The following IFIT5 variants were observed in gnomAD, a reference collection of about 807,000 sequenced individuals.
IFIT5 encodes interferon induced protein with tetratricopeptide repeats 5, also known as interferon-induced protein with tetratricopeptide repeats 5.
Under a neutral mutation model 5.0 loss-of-function variants are expected in IFIT5, and 2 were observed. The observed-to-expected ratio is 0.40, with a 90% CI of 0.16 to 1.26. IFIT5 has a LOEUF of 1.26. Among genes scored for constraint, IFIT5 ranks in the 50% most tolerant of loss-of-function variants. The pLI is 0.33. For missense variants in IFIT5, 524 were observed against 563.2 expected (o/e 0.93, Z 0.70); for synonymous variants, 206 against 204.6 (o/e 1.01, Z -0.06).
rs1182225758 is a variant in IFIT5 at position 89,419,410 on chromosome 10, A to C, written c.*762A>C. The stretch of plus-strand genomic sequence containing the variant: ...TCTGCAATGAATCTAGATGCAATTA[A>C]TTTTATTCCTTCCAACTAAAATTAC... On this transcript the variant is annotated 3_prime_UTR_variant, in exon 2 of 2. Coordinates refer to ENST00000371795, the MANE Select transcript of IFIT5 (RefSeq NM_012420.3). 6.6e-6 allele frequency: 1 copy of C among 151,746 alleles called. No homozygotes were observed. The highest frequency in any genetic ancestry group is 1.5e-5 in the Non-Finnish European group (1 of 67,976). 9.4% of individuals were successfully genotyped at this position (151,746 alleles called of 1,614,324 possible).
chr10:89,418,205 A>G lies in IFIT5; in HGVS notation c.1006A>G (p.Met336Val), dbSNP rs767044177. The G allele has an allele frequency of 2.5e-6, 4 of 1,614,156 alleles. No individual in the cohort carries two copies. Among genetic ancestry groups the G allele is most frequent in the Non-Finnish European group, 3.4e-6 (4 of 1,179,980 alleles). Residue 336 changes from methionine to valine, a missense_variant, in exon 2 of 2, where the codon ATG (methionine) becomes GTG (valine). Physicochemically the swap from Met to Val is conservative, Grantham distance 21 (BLOSUM62 1). Transcript: ENST00000371795. ...CAAAGCAGCCATGGAACGAGACTCTATGTTTGCATTTGCCTACACAGACCT... is the reference window on the plus strand; with the variant it reads ...CAAAGCAGCCATGGAACGAGACTCTGTGTTTGCATTTGCCTACACAGACCT... ...HFKAAMERDS[M>V]FAFAYTDLAN...
rs1589647126 is a variant in IFIT5 at position 89,414,703 on chromosome 10, G to C, written c.-96G>C. On this transcript the variant is annotated 5_prime_UTR_variant, in exon 1 of 2. Transcript: ENST00000371795. ...AGGCCTGGCGCGCGCACGCGCACGC[G>C]CACGCCCACCGCGCGGCTTCCCGCG... The C allele has an allele frequency of 2.7e-6, 4 of 1,472,960 alleles. No individual in the cohort carries two copies. The highest frequency in any genetic ancestry group is 3.6e-6 in the Non-Finnish European group (4 of 1,109,682). 91.2% of individuals were successfully genotyped at this position (1,472,960 alleles called of 1,614,324 possible). A position where few individuals can be genotyped will look rare whatever the true frequency, so the allele number is the denominator to read the frequency against.
At chr10:89,416,507 A>T (rs2133652481) in intron 1 of IFIT5, among the ~76,000 whole-genome samples, 2 of 152,380 alleles carry the variant, frequency 1.3e-5, no homozygotes, top group South Asian at 4.1e-4. Context: ...AAGTTACAAA[A>T]TTAAGTAGAC....
chr10:89,420,534 G>A lies in IFIT5; in HGVS notation c.*1886G>A, dbSNP rs1165272939. The A allele has an allele frequency of 1.3e-5, 2 of 152,168 alleles. No homozygotes were observed. Among genetic ancestry groups the A allele is most frequent in the Non-Finnish European group, 2.9e-5 (2 of 68,018 alleles). 9.4% of individuals were successfully genotyped at this position (152,168 alleles called of 1,614,324 possible). A position where few individuals can be genotyped will look rare whatever the true frequency, so the allele number is the denominator to read the frequency against. On this transcript the variant is annotated 3_prime_UTR_variant, in exon 2 of 2. Coordinates refer to ENST00000371795, the MANE Select transcript of IFIT5 (RefSeq NM_012420.3). ...ATAGAAAAGATTATTTGCTTCATCA[G>A]TTAACTTGTTTTTATAAATCAGGGC...
At position 89,414,654 on chromosome 10, in the gene IFIT5, C is replaced by G; in HGVS notation, c.-145C>G. 1.2e-6 allele frequency: 1 copy of G among 804,386 alleles called. No homozygotes were observed. The highest frequency in any genetic ancestry group is 3.3e-5 in the East Asian group (1 of 30,384). The allele number at this position is 804,386 out of a possible 1,614,324, so 49.8% of individuals were successfully genotyped here. A position where few individuals can be genotyped will look rare whatever the true frequency, so the allele number is the denominator to read the frequency against. ...TCTCTCCTTTAACAAAGACACGCCG[C>G]GCGGCCGAGTCCAGGGGCTGCAGAG... On this transcript the variant is annotated 5_prime_UTR_variant, in exon 1 of 2. Coordinates refer to ENST00000371795, the MANE Select transcript of IFIT5 (RefSeq NM_012420.3).
intron 1 of IFIT5, among the ~76,000 whole-genome samples, chr10:89,415,051 C>A (rs1220105482): frequency 1.3e-5 from 2 of 152,310 alleles, no homozygotes; most frequent in East Asian, 3.9e-4. Flanking sequence ...CCCTCCCCAG[C>A]GCCTAAGAAG....
Position 89,414,667 on chromosome 10 carries a change from A to C in IFIT5, c.-132A>C, listed in dbSNP as rs949942848. ...AAAGACACGCCGCGCGGCCGAGTCC[A>C]GGGGCTGCAGAGGCCTGGCGCGCGC... On this transcript the variant is annotated 5_prime_UTR_variant, in exon 1 of 2. Coordinates refer to ENST00000371795, the MANE Select transcript of IFIT5 (RefSeq NM_012420.3). The C allele has an allele frequency of 3.9e-6, 4 of 1,038,296 alleles. No individual in the cohort carries two copies. The Admixed American group carries it at 1.1e-4, about 29-fold the overall frequency. The allele number at this position is 1,038,296 out of a possible 1,614,324, so 64.3% of individuals were successfully genotyped here.
Position 89,418,010 on chromosome 10 carries a change from C to CT in IFIT5, c.815dup (p.Leu272PhefsTer38). ...AAATTCCTGGAACAAAGCTCTCGAA[C>CT]TTTTAAAAAAGGCCTTGGAGGTGAC... On this transcript the variant is annotated frameshift_variant, in exon 2 of 2. Coordinates refer to ENST00000371795, the MANE Select transcript of IFIT5 (RefSeq NM_012420.3). LOFTEE classifies it low-confidence loss of function (END_TRUNC). The CT allele has an allele frequency of 2.5e-6, 4 of 1,614,174 alleles. No homozygotes were observed. Among genetic ancestry groups the CT allele is most frequent in the Non-Finnish European group, 3.4e-6 (4 of 1,180,032 alleles).
In IFIT5 at chr10:89,420,138, C is replaced by A. The variant is rs113865549; in HGVS notation, c.*1490C>A. The A allele has an allele frequency of 5.5e-4, 83 of 152,240 alleles. No individual in the cohort carries two copies. Among genetic ancestry groups the A allele is most frequent in the African/African-American group, 1.9e-3 (80 of 41,562 alleles). 9.4% of individuals were successfully genotyped at this position (152,240 alleles called of 1,614,324 possible). On this transcript the variant is annotated 3_prime_UTR_variant, in exon 2 of 2. Coordinates refer to ENST00000371795, the MANE Select transcript of IFIT5 (RefSeq NM_012420.3). Reference sequence around the variant, plus strand: ...AACTTATAATTTGATATGTAAACTTCCAGATCTTTTTTCTATGCGTAATCA... The same window carrying A: ...AACTTATAATTTGATATGTAAACTTACAGATCTTTTTTCTATGCGTAATCA...
At position 89,417,298 on chromosome 10, in the gene IFIT5, G is replaced by A; in HGVS notation, c.99G>A (p.Glu33=). Residue 33 remains glutamate, a synonymous_variant, in exon 2 of 2, where the codon GAG becomes GAA. Transcript: ENST00000371795. ...NLLKEDIDLF[E]VEDTIGQQLE... Reference sequence around the variant, plus strand: ...TTAAGGAAGACATTGATCTGTTTGAGGTAGAAGATACAATTGGGCAACAGC... The same window carrying A: ...TTAAGGAAGACATTGATCTGTTTGAAGTAGAAGATACAATTGGGCAACAGC... 3 of 1,614,094 alleles carry A rather than the reference G, an allele frequency of 1.9e-6. No homozygotes were observed. Among genetic ancestry groups the A allele is most frequent in the East Asian group, 2.2e-5 (1 of 44,882 alleles).
Position 89,417,485 on chromosome 10 carries a change from A to G in IFIT5, c.286A>G (p.Thr96Ala). 1 of 1,614,222 alleles carries G rather than the reference A, an allele frequency of 6.2e-7. No individual in the cohort carries two copies. The highest frequency in any genetic ancestry group is 8.5e-7 in the Non-Finnish European group (1 of 1,180,038). Reference protein sequence around the residue: ...SDKEEVRSLVTWGNYAWVYYH... With the variant: ...SDKEEVRSLVAWGNYAWVYYH... ...CAAAGAAGAAGTACGAAGCCTGGTC[A>G]CTTGGGGAAACTATGCCTGGGTGTA... The change falls in exon 2 of 2, where the codon ACT becomes GCT. Residue 96 changes from threonine to alanine, a missense_variant. Thr to Ala is a moderately conservative substitution (Grantham distance 58). Coordinates refer to ENST00000371795, the MANE Select transcript of IFIT5 (RefSeq NM_012420.3).
chr10:89,415,028 T>A (rs1370525176), intron 1 of IFIT5, among the ~76,000 whole-genome samples: 1 of 152,068 alleles, frequency 6.6e-6, no homozygotes, highest in African/African-American at 2.4e-5. Context: ...TGGACGCTTC[T>A]CGGGAGTCCG....
Position 89,417,478 on chromosome 10 carries a change from C to T in IFIT5, c.279C>T (p.Ser93=). The part of the protein sequence containing the change: ...QEHSDKEEVR[S]LVTWGNYAWV... ...ACTCAGACAAAGAAGAAGTACGAAGCCTGGTCACTTGGGGAAACTATGCCT... is the reference window on the plus strand; with the variant it reads ...ACTCAGACAAAGAAGAAGTACGAAGTCTGGTCACTTGGGGAAACTATGCCT... Residue 93 remains serine, a synonymous_variant, in exon 2 of 2, where the codon AGC becomes AGT. Transcript: ENST00000371795. 1 of 1,614,138 alleles carries T rather than the reference C, an allele frequency of 6.2e-7. No individual in the cohort carries two copies. The highest frequency in any genetic ancestry group is 8.5e-7 in the Non-Finnish European group (1 of 1,180,022).
chr10:89,418,957 C>T lies in IFIT5; in HGVS notation c.*309C>T, dbSNP rs1589649422. ...TTTTATCTCTGCTCTTTGAATTTCT[C>T]ATATTATATAGTAAATATATTCCTA... On this transcript the variant is annotated 3_prime_UTR_variant, in exon 2 of 2. Coordinates refer to ENST00000371795, the MANE Select transcript of IFIT5 (RefSeq NM_012420.3). 1 of 201,054 alleles carries T rather than the reference C, an allele frequency of 5.0e-6. No homozygotes were observed. The highest frequency in any genetic ancestry group is 1.0e-5 in the Non-Finnish European group (1 of 99,318). The allele number at this position is 201,054 out of a possible 1,614,324, so 12.5% of individuals were successfully genotyped here. A position where few individuals can be genotyped will look rare whatever the true frequency, so the allele number is the denominator to read the frequency against.
At position 89,417,832 on chromosome 10, in the gene IFIT5, C is replaced by G; in HGVS notation, c.633C>G (p.Asn211Lys). Reference sequence around the variant, plus strand: ...CTTTGAGAAAGGCTGTTACCCTGAACCCAGATAACAGCTATATTAAGGTTT... The same window carrying G: ...CTTTGAGAAAGGCTGTTACCCTGAAGCCAGATAACAGCTATATTAAGGTTT... The part of the protein sequence containing the change: ...LGPLRKAVTL[N>K]PDNSYIKVFL... Residue 211 changes from asparagine (N) to lysine (K), a missense_variant, in exon 2 of 2, where the codon AAC becomes AAG. Asn to Lys is a moderately conservative substitution (Grantham distance 94, BLOSUM62 0). Coordinates refer to ENST00000371795, the MANE Select transcript of IFIT5 (RefSeq NM_012420.3). 6.2e-7 allele frequency: 1 copy of G among 1,614,124 alleles called. No homozygotes were observed. Among genetic ancestry groups the G allele is most frequent in the Non-Finnish European group, 8.5e-7 (1 of 1,180,012 alleles).
At chr10:89,415,912 G>C (rs1564816764) in intron 1 of IFIT5, among the ~76,000 whole-genome samples, 1 of 152,260 alleles carries the variant, frequency 6.6e-6, no homozygotes, top group Admixed American at 6.5e-5. Context: ...AAAAGTTTAA[G>C]TGCCACCCAC....
Position 89,414,733 on chromosome 10 carries a change from C to T in IFIT5, c.-66C>T. 3 of 1,569,896 alleles carry T rather than the reference C, an allele frequency of 1.9e-6. No homozygotes were observed. Among genetic ancestry groups the T allele is most frequent in the South Asian group, 1.2e-5 (1 of 86,612 alleles). Reference sequence around the variant, plus strand: ...CCCACCGCGCGGCTTCCCGCGGTCCCCGGTGCTGAGGAGAGAGCGATCCGA... The same window carrying T: ...CCCACCGCGCGGCTTCCCGCGGTCCTCGGTGCTGAGGAGAGAGCGATCCGA... On this transcript the variant is annotated 5_prime_UTR_variant, in exon 1 of 2. Coordinates refer to ENST00000371795, the MANE Select transcript of IFIT5 (RefSeq NM_012420.3).
intron 1 of IFIT5, among the ~76,000 whole-genome samples, chr10:89,416,089 AT>A (rs1210732551): frequency 2.0e-5 from 3 of 151,226 alleles, no homozygotes; most frequent in Admixed American, 6.6e-5. Context: ...CGCCTGGCTA[AT>A]TTTTTGTATC....
chr10:89,418,801 T>C lies in IFIT5; in HGVS notation c.*153T>C. The C allele has an allele frequency of 1.5e-6, 1 of 647,148 alleles. No individual in the cohort carries two copies. 40.1% of individuals were successfully genotyped at this position (647,148 alleles called of 1,614,324 possible). ...CAAGCATTGTGCTAAATACTTTATATGCATTATGATGAATCTTGTGCGGTT... is the reference window on the plus strand; with the variant it reads ...CAAGCATTGTGCTAAATACTTTATACGCATTATGATGAATCTTGTGCGGTT... On this transcript the variant is annotated 3_prime_UTR_variant, in exon 2 of 2. Coordinates refer to ENST00000371795, the MANE Select transcript of IFIT5 (RefSeq NM_012420.3).
Sources: allele counts gnomAD v4.1 joint callset (sites outside exome capture counted in the v4.1 genomes callset), GRCh38; gene constraint gnomAD v4.1.1; transcripts MANE v1.5; gene names NCBI Gene and HGNC (gene_info 2026-07-23, HGNC 2026-07-21).